PLA2G6: variants seen among roughly 807,000 people sequenced by gnomAD.
PLA2G6 encodes 85/88 kDa calcium-independent phospholipase A2.
A neutral mutation model predicts 83.8 loss-of-function variants in PLA2G6; 62 were observed. The observed-to-expected ratio is 0.74, with a 90% CI of 0.60 to 0.91. PLA2G6 has a LOEUF of 0.91. Among genes scored for constraint, PLA2G6 ranks in the 40% least tolerant of loss-of-function variants. PLA2G6 has a pLI of 0.00. For synonymous variants in PLA2G6, 417 were observed against 449.8 expected (o/e 0.93, Z 0.92); for missense variants, 944 against 1,102.0 (o/e 0.86, Z 2.03).
rs1408021220 is a variant in PLA2G6, at chr22:38,132,944, G to A, written c.964C>T (p.His322Tyr). ...STSSAGNTAL[H>Y]VAVMRNRFDC... ...AAGCGGTTGCGCATCACCGCCACGT[G>A]CAGGGCCGTGTTCCCCGCGGAGCTG... is the stretch of plus-strand genomic sequence containing the variant. Residue 322 changes from histidine (H) to tyrosine (Y), a missense_variant, in exon 7 of 17, where the codon CAC becomes TAC. His to Tyr is a moderately conservative substitution (Grantham distance 83). Coordinates refer to ENST00000332509, the MANE Select transcript of PLA2G6 (RefSeq NM_003560.4). The surrounding 1 kb of genome is among the most constrained non-coding windows in gnomAD (Gnocchi z 5.0). 3 of 1,562,748 alleles carry A rather than the reference G, an allele frequency of 1.9e-6. No individual in the cohort carries two copies. Among genetic ancestry groups the A allele is most frequent in the Non-Finnish European group, 2.6e-6 (3 of 1,153,996 alleles).
intron 9 of PLA2G6, chr22:38,127,051 G>T: frequency 9.1e-7 from 1 of 1,100,936 alleles, no homozygotes; most frequent in Non-Finnish European, 1.1e-6. Context: ...TGTGTCCAAG[G>T]CCTGCCTGAC....
At chr22:38,156,380 C>G (rs1377361348) in intron 2 of PLA2G6, among the ~76,000 whole-genome samples, 1 of 152,214 alleles carries the variant, frequency 6.6e-6, no homozygotes, top group Non-Finnish European at 1.5e-5. Flanking sequence ...ACACATTCTT[C>G]TCCTCAGCAT....
chr22:38,164,431 G>A (rs955672748), intron 2 of PLA2G6, among the ~76,000 whole-genome samples: 2 of 152,210 alleles, frequency 1.3e-5, no homozygotes, highest in Admixed American at 6.5e-5. Context: ...ACCCCACCTC[G>A]TGGGACTGTC....
intron 1 of PLA2G6, among the ~76,000 whole-genome samples, chr22:38,177,056 AAG>A (rs1555883467): frequency 6.6e-6 from 1 of 151,594 alleles, no homozygotes; most frequent in Admixed American, 6.6e-5. Context: ...AAAAAAAAAA[AAG>A]AAACAAGGAA....
At chr22:38,151,675 G>C (rs575401532) in intron 2 of PLA2G6, among the ~76,000 whole-genome samples, 154 of 152,304 alleles carry the variant, frequency 1.0e-3, no homozygotes, top group African/African-American at 3.6e-3. Flanking sequence ...GTCTTGTTGG[G>C]TTTAAAATAA....
intron 10 of PLA2G6, chr22:38,125,793 G>A (rs1384004919): frequency 1.8e-5 from 8 of 452,572 alleles, no homozygotes; most frequent in East Asian, 7.0e-5. Flanking sequence ...GGGAGGTGGC[G>A]ACAGCACAGT....
chr22:38,119,258 G>A (rs1338023654), intron 12 of PLA2G6, among the ~76,000 whole-genome samples: 3 of 152,114 alleles, frequency 2.0e-5, no homozygotes, highest in African/African-American at 7.2e-5. Context: ...TTTCCAACCA[G>A]TGGAACAAAA....
At chr22:38,115,909 C>G in intron 13 of PLA2G6, 166 bp downstream of exon 13, 6 of 1,461,676 alleles carry the variant, frequency 4.1e-6, no homozygotes, top group African/African-American at 1.4e-5. Flanking sequence ...TGCCAGGGGC[C>G]TGACAGCTCC....
At chr22:38,160,597 A>G (rs1202213055) in intron 2 of PLA2G6, among the ~76,000 whole-genome samples, 1 of 152,244 alleles carries the variant, frequency 6.6e-6, no homozygotes, top group Non-Finnish European at 1.5e-5. Flanking sequence ...CTGTAATCCC[A>G]GCACTTTGGG....
chr22:38,114,850 T>G (rs1440069739), intron 14 of PLA2G6, among the ~76,000 whole-genome samples: 1 of 152,050 alleles, frequency 6.6e-6, no homozygotes, highest in Non-Finnish European at 1.5e-5. Context: ...GATGGCCCCA[T>G]TAGGTAGCTG....
intron 2 of PLA2G6, chr22:38,148,427 T>G: frequency 1.4e-6 from 1 of 705,614 alleles, no homozygotes; most frequent in Non-Finnish European, 2.6e-6. Context: ...CCAGAAATGC[T>G]GGACAAATTA....
chr22:38,149,054 AT>A (rs1440549600), intron 2 of PLA2G6: 1 of 154,518 alleles, frequency 6.5e-6, no homozygotes, highest in Non-Finnish European at 1.4e-5. Context: ...TTTAGTAGAG[AT>A]GGGGTTTCAC....
At chr22:38,171,172 CAAAAA>C (rs35530438) in intron 1 of PLA2G6, among the ~76,000 whole-genome samples, 1 of 105,024 alleles carries the variant, frequency 9.5e-6, no homozygotes, top group Non-Finnish European at 2.0e-5. Flanking sequence ...AACTCCGTCT[CAAAAA>C]AAAAAAAAAA....
At chr22:38,122,173 G>T (rs2087563545) in intron 11 of PLA2G6, among the ~76,000 whole-genome samples, 1 of 152,040 alleles carries the variant, frequency 6.6e-6, no homozygotes, top group African/African-American at 2.4e-5. Context: ...TCCAACACAG[G>T]CCTGGCCCAC....
chr22:38,153,424 C>A (rs986515559), intron 2 of PLA2G6, among the ~76,000 whole-genome samples: 1 of 152,154 alleles, frequency 6.6e-6, no homozygotes, highest in African/African-American at 2.4e-5. Flanking sequence ...TGTGTGTGAT[C>A]TTTCTGCCTT....
intron 1 of PLA2G6, among the ~76,000 whole-genome samples, chr22:38,181,045 C>T (rs2090826978): frequency 6.6e-6 from 1 of 152,076 alleles, no homozygotes; most frequent in Admixed American, 6.5e-5. Context: ...GGCCACAGGT[C>T]CCCTTGCCCT....
At chr22:38,146,605 C>G (rs1429638443) in intron 2 of PLA2G6, 2 of 152,086 alleles carry the variant, frequency 1.3e-5, no homozygotes, top group Non-Finnish European at 2.9e-5. Context: ...CATGTGAGAG[C>G]TCCAGCCTCG....
At position 38,132,169 on chromosome 22, in the gene PLA2G6, C is replaced by A; in HGVS notation, c.1077+662G>T. 2.2e-6 allele frequency: 1 copy of A among 452,782 alleles called. No homozygotes were observed. The highest frequency in any genetic ancestry group is 1.6e-5 in the South Asian group (1 of 64,010). 28.0% of individuals were successfully genotyped at this position (452,782 alleles called of 1,614,324 possible). On this transcript the variant is annotated intron_variant, in intron 7 of 16. Transcript: ENST00000332509. The surrounding 1 kb of genome is among the most constrained non-coding windows in gnomAD (Gnocchi z 5.0). ...GTCTGTAACACAGTAACGTCCTCCTCTGCTAGGTTTAATATGTTCATACTC... is the reference window on the plus strand; with the variant it reads ...GTCTGTAACACAGTAACGTCCTCCTATGCTAGGTTTAATATGTTCATACTC...
At chr22:38,112,388 G>T in intron 16 of PLA2G6, 83 bp from the exon 17 acceptor site, 1 of 1,551,306 alleles carries the variant, frequency 6.4e-7, no homozygotes, top group Non-Finnish European at 8.8e-7. Flanking sequence ...GTGGGCTTGG[G>T]GAACAGAGCA....
Sources: gnomAD v4.1 joint callset for allele counts (sites outside exome capture counted in the v4.1 genomes callset) on GRCh38, gnomAD v4.1.1 for gene constraint, Gnocchi (gnomAD v3.1) non-coding constraint, MANE v1.5 for transcripts, NCBI Gene and HGNC (gene_info 2026-07-23, HGNC 2026-07-21) for gene names.